Variants in ZNF200 observed in about 807,000 individuals in gnomAD.
The protein encoded by ZNF200 is zinc finger protein 200.
A neutral mutation model predicts 33.6 loss-of-function variants in ZNF200; 35 were observed. That is an observed-to-expected ratio of 1.04 (90% CI 0.80 to 1.38). The LOEUF is 1.38. Among genes scored for constraint, ZNF200 ranks in the 40% most tolerant of loss-of-function variants. The probability of loss-of-function intolerance (pLI) is 0.00; values close to 1 mark genes in which losing one functional copy is unlikely to be tolerated. For missense variants in ZNF200, 592 were observed against 470.6 expected, an observed-to-expected ratio of 1.26 and a Z score of -2.39; for synonymous variants, 209 against 167.7, an observed-to-expected ratio of 1.25 and a Z score of -1.90.
intron 1 of ZNF200, among the ~76,000 whole-genome samples, chr16:3,234,468 G>A (rs1364119716): frequency 6.6e-6 from 1 of 152,032 alleles, no homozygotes; most frequent in Non-Finnish European, 1.5e-5. Context: ...GAAAATAAAA[G>A]GAAAAAGAAA....
intron 4 of ZNF200, chr16:3,226,803 T>C (rs766551235): frequency 4.6e-5 from 7 of 152,242 alleles, no homozygotes; most frequent in Admixed American, 6.5e-5. Context: ...AAGGATAAGA[T>C]GGGTAGTTAC....
chr16:3,233,872 C>T, intron 1 of ZNF200, 36 bp from the exon 2 acceptor site: 2 of 1,487,138 alleles, frequency 1.3e-6, no homozygotes, highest in East Asian at 2.4e-5. Flanking sequence ...CCCAAAAGAC[C>T]AGGCACGGCA....
chr16:3,227,835 T>C (rs1193795535), intron 4 of ZNF200: 5 of 152,182 alleles, frequency 3.3e-5, no homozygotes, highest in Admixed American at 3.3e-4. Context: ...TTTATACCAG[T>C]GTGAAAATGG....
At position 3,224,557 on chromosome 16, in the gene ZNF200, C is replaced by A. The variant is rs771990277; in HGVS notation, c.523G>T (p.Glu175Ter). The change falls in exon 5 of 5, where the codon GAA becomes TAA. Residue 175 changes from glutamate to a stop codon, truncating the protein, a stop_gained. Transcript: ENST00000414144. LOFTEE classifies it high-confidence loss of function. ...EDPEREPVEN[E>*]DYREKSSDDD... ...TCTGAAGACTTTTCTCTATAATCTT[C>A]ATTTTCTACAGGTTCCCTCTCAGGA... 2.5e-6 allele frequency: 4 copies of A among 1,612,308 alleles called. No homozygotes were observed. The highest frequency in any genetic ancestry group is 3.4e-6 in the Non-Finnish European group (4 of 1,178,874).
At position 3,235,067 on chromosome 16, in the gene ZNF200, G is replaced by C. The variant is rs1958767923; in HGVS notation, c.-162C>G. The C allele has an allele frequency of 1.3e-5, 2 of 152,214 alleles. No homozygotes were observed. Among genetic ancestry groups the C allele is most frequent in the Admixed American group, 1.3e-4 (2 of 15,290 alleles). The allele number at this position is 152,214 out of a possible 1,614,324, so 9.4% of individuals were successfully genotyped here. On this transcript the variant is annotated 5_prime_UTR_variant, in exon 1 of 5. Transcript: ENST00000414144. ...GCTCCGGGAGAGATAGAAAAACTAG[G>C]CGCGAGCGGTCGAGCCCTCCCCTCG...
In ZNF200 at chr16:3,233,482, G is replaced by A. The variant is rs746475915; in HGVS notation, c.250+24C>T. 6 of 1,501,978 alleles carry A rather than the reference G, an allele frequency of 4.0e-6. No homozygotes were observed. In the African/African-American group the frequency reaches 4.2e-5, roughly 11 times the overall value. The allele number at this position is 1,501,978 out of a possible 1,614,324, so 93.0% of individuals were successfully genotyped here. On this transcript the variant is annotated intron_variant, in intron 2 of 4. Coordinates refer to ENST00000414144, the MANE Select transcript of ZNF200 (RefSeq NM_198088.3). ...TCCAGTACCTCCTCCTCCTCTTCTA[G>A]TGAAACAAGCATGTGCTTCTCACCT...
intron 4 of ZNF200, among the ~76,000 whole-genome samples, chr16:3,228,588 G>A (rs753474643): frequency 2.1e-4 from 32 of 151,824 alleles, no homozygotes; most frequent in Admixed American, 3.3e-4. Context: ...TCTGCCTCCC[G>A]GGTTCAAGTG....
chr16:3,227,430 A>T (rs1291120141), intron 4 of ZNF200: 1 of 152,252 alleles, frequency 6.6e-6, no homozygotes. Context: ...TATGTAAAGT[A>T]AGGTACTAAT....
rs1958716055 is a variant in ZNF200 at position 3,233,844 on chromosome 16, C to G, written c.-81-8G>C. On this transcript the variant is annotated splice_polypyrimidine_tract_variant and splice_region_variant and intron_variant, in intron 1 of 4. Coordinates refer to ENST00000414144, the MANE Select transcript of ZNF200 (RefSeq NM_198088.3). ...ATCTGCCAGAGAGCCAAGCTGTAGA[C>G]AGAGAAACCAGGGATTACCCAAAAG... 5 of 1,511,594 alleles carry G rather than the reference C, an allele frequency of 3.3e-6. No homozygotes were observed. In the Admixed American group the frequency reaches 1.1e-4, roughly 34 times the overall value. The allele number at this position is 1,511,594 out of a possible 1,614,324, so 93.6% of individuals were successfully genotyped here.
Position 3,233,554 on chromosome 16 carries a change from C to G in ZNF200, c.202G>C (p.Glu68Gln), listed in dbSNP as rs746563639. 2 of 1,598,930 alleles carry G rather than the reference C, an allele frequency of 1.3e-6. No individual in the cohort carries two copies. Among genetic ancestry groups the G allele is most frequent in the Non-Finnish European group, 1.7e-6 (2 of 1,173,204 alleles). The change falls in exon 2 of 5, where the codon GAG (glutamate) becomes CAG (glutamine). Residue 68 changes from glutamate to glutamine, a missense_variant. By Grantham distance (29) the Glu-to-Gln change is conservative. Transcript: ENST00000414144. ...SLVQPSQKVKETLVIMKDVSS... is the reference protein window; with the variant it reads ...SLVQPSQKVKQTLVIMKDVSS... ...ACATCTTTCATAATAACCAAGGTCT[C>G]CTTGACTTTCTGACTGGGCTGGACC...
At chr16:3,228,043 T>G (rs1958518689) in intron 4 of ZNF200, among the ~76,000 whole-genome samples, 1 of 55,474 alleles carries the variant, frequency 1.8e-5, no homozygotes, top group African/African-American at 4.8e-5. Flanking sequence ...ACATAGTATT[T>G]TTTTTTTTTG....
In ZNF200 at chr16:3,223,817, C is replaced by A; in HGVS notation, c.*75G>T. 6.6e-7 allele frequency: 1 copy of A among 1,509,032 alleles called. No individual in the cohort carries two copies. The highest frequency in any genetic ancestry group is 8.8e-7 in the Non-Finnish European group (1 of 1,133,576). 93.5% of individuals were successfully genotyped at this position (1,509,032 alleles called of 1,614,324 possible). A position where few individuals can be genotyped will look rare whatever the true frequency, so the allele number is the denominator to read the frequency against. On this transcript the variant is annotated 3_prime_UTR_variant, in exon 5 of 5. Transcript: ENST00000414144. ...TACACATTTATACCTTTTTAGGCAG[C>A]TTGGGAATTCAGAACTACTTATGAA...
At chr16:3,229,778 T>C (rs1958587063) in intron 4 of ZNF200, among the ~76,000 whole-genome samples, 1 of 151,330 alleles carries the variant, frequency 6.6e-6, no homozygotes, top group African/African-American at 2.4e-5. Flanking sequence ...GGCAGGAGAA[T>C]GGCATGAACC....
chr16:3,227,922 T>C (rs1958514249), intron 4 of ZNF200: 1 of 152,238 alleles, frequency 6.6e-6, no homozygotes, highest in South Asian at 2.1e-4. Context: ...GAGATCACAG[T>C]CTTGTTCCAA....
chr16:3,228,609 C>T (rs1431358152), intron 4 of ZNF200, among the ~76,000 whole-genome samples: 1 of 152,066 alleles, frequency 6.6e-6, no homozygotes, highest in Non-Finnish European at 1.5e-5. Context: ...ATTCTCCTAC[C>T]TCAGCCTCCA....
At position 3,223,757 on chromosome 16, in the gene ZNF200, G is replaced by A; in HGVS notation, c.*135C>T. On this transcript the variant is annotated 3_prime_UTR_variant, in exon 5 of 5. Coordinates refer to ENST00000414144, the MANE Select transcript of ZNF200 (RefSeq NM_198088.3). ...AGCAATTTGAGGTTTTAGCTAAGAT[G>A]GGCATTTATCCAATTTTGGCAATAA... is the stretch of plus-strand genomic sequence containing the variant. 1.5e-6 allele frequency: 2 copies of A among 1,320,196 alleles called. No homozygotes were observed. Among genetic ancestry groups the A allele is most frequent in the Non-Finnish European group, 2.0e-6 (2 of 979,756 alleles). The allele number at this position is 1,320,196 out of a possible 1,614,324, so 81.8% of individuals were successfully genotyped here.
intron 4 of ZNF200, chr16:3,227,897 A>G (rs867197566): frequency 6.6e-6 from 1 of 152,164 alleles, no homozygotes; most frequent in Non-Finnish European, 1.5e-5. Flanking sequence ...ATTTGAGGCT[A>G]TTTCGGGACT....
chr16:3,224,593 C>T lies in ZNF200; in HGVS notation c.487G>A (p.Glu163Lys). 1.9e-6 allele frequency: 3 copies of T among 1,603,144 alleles called. No homozygotes were observed. Among genetic ancestry groups the T allele is most frequent in the Non-Finnish European group, 2.6e-6 (3 of 1,173,256 alleles). The change falls in exon 5 of 5, where the codon GAA becomes AAA. Residue 163 changes from glutamate (E) to lysine (K), a missense_variant. Transcript: ENST00000414144. ...MLLAVNGSNPEGEDPEREPVE... is the reference protein window; with the variant it reads ...MLLAVNGSNPKGEDPEREPVE... ...GGTTCCCTCTCAGGATCTTCACCTT[C>T]AGGATTACTGCCATTGACTGCTGAA...
chr16:3,223,061 T>G lies in ZNF200; in HGVS notation c.*831A>C, dbSNP rs190829015. 6.6e-6 allele frequency: 1 copy of G among 152,330 alleles called. No homozygotes were observed. Among genetic ancestry groups the G allele is most frequent in the Admixed American group, 6.5e-5 (1 of 15,292 alleles). 9.4% of individuals were successfully genotyped at this position (152,330 alleles called of 1,614,324 possible). The stretch of plus-strand genomic sequence containing the variant: ...GTCTTGGGGTTTCCTTCGTAGCACA[T>G]GAGATCTGGGCTCAACAGAGGGACA... On this transcript the variant is annotated 3_prime_UTR_variant, in exon 5 of 5. Transcript: ENST00000414144.
Sources: gnomAD v4.1 joint callset for allele counts (sites outside exome capture counted in the v4.1 genomes callset) on GRCh38, gnomAD v4.1.1 for gene constraint, MANE v1.5 for transcripts, NCBI Gene and HGNC (gene_info 2026-07-23, HGNC 2026-07-21) for gene names.